Variants in HPCA observed in about 807,000 individuals in gnomAD.
HPCA encodes the protein hippocalcin.
In HPCA, 4 loss-of-function variants were observed where a neutral mutation model predicts 18.2. The observed-to-expected ratio is 0.22, with a 90% confidence interval of 0.11 to 0.50. HPCA has a LOEUF of 0.50. HPCA is among the 20% of genes least tolerant of loss of function. The pLI is 0.97. For synonymous variants in HPCA, 93 were observed against 103.5 expected (o/e 0.90, Z 0.61); for missense variants, 161 against 265.8 (o/e 0.61, Z 2.74).
chr1:32,889,697 T>C lies in HPCA; in HGVS notation c.378+421T>C, dbSNP rs1273282222. Among the ~76,000 whole-genome samples the C allele has an allele frequency of 6.6e-6, 1 of 152,246 alleles. No homozygotes were observed. Among genetic ancestry groups the C allele is most frequent in the Non-Finnish European group, 1.5e-5 (1 of 68,050 alleles). ...ACATAGAAACAATGCTATTATCTAA[T>C]CTACCAACCATATTCCAATTTTGCC... On this transcript the variant is annotated intron_variant, in intron 2 of 3. Coordinates refer to ENST00000373467, the MANE Select transcript of HPCA (RefSeq NM_002143.3). The surrounding 1 kb of genome is among the most constrained non-coding windows in gnomAD (Gnocchi z 4.6).
At position 32,893,956 on chromosome 1, in the gene HPCA, T is replaced by A; in HGVS notation, c.*94T>A. ...GTGTGTATTCTGGCTGGGGGCCAGA[T>A]TGGGGAAGCCCTTCTCCCCGGGTCT... On this transcript the variant is annotated 3_prime_UTR_variant, in exon 4 of 4. Transcript: ENST00000373467. The surrounding 1 kb of genome is among the most constrained non-coding windows in gnomAD (Gnocchi z 7.5). 4 of 959,584 alleles carry A rather than the reference T, an allele frequency of 4.2e-6. No individual in the cohort carries two copies. Among genetic ancestry groups the A allele is most frequent in the Non-Finnish European group, 6.3e-6 (4 of 630,944 alleles). 59.4% of individuals were successfully genotyped at this position (959,584 alleles called of 1,614,324 possible).
At chr1:32,892,991 C>T (rs1041301335) in intron 2 of HPCA, among the ~76,000 whole-genome samples, 3 of 152,100 alleles carry the variant, frequency 2.0e-5, no homozygotes, top group South Asian at 2.1e-4. Context: ...CTGTTCCCCG[C>T]CCCTCTGGGC....
At chr1:32,887,568 G>A (rs1368970946) in intron 1 of HPCA, among the ~76,000 whole-genome samples, 1 of 152,182 alleles carries the variant, frequency 6.6e-6, no homozygotes, top group Admixed American at 6.5e-5. Context: ...TGAAGGGTAA[G>A]TGTTGGGGAG....
intron 2 of HPCA, among the ~76,000 whole-genome samples, chr1:32,892,574 G>C (rs1641467927): frequency 6.6e-6 from 1 of 152,264 alleles, no homozygotes; most frequent in South Asian, 2.1e-4. Context: ...GGGGTGGTGT[G>C]CAGGCTGGGG....
chr1:32,888,743 G>A (rs937366870), intron 1 of HPCA, 135 bp from the exon 2 acceptor site: 15 of 789,058 alleles, frequency 1.9e-5, no homozygotes, highest in African/African-American at 1.0e-4. Flanking sequence ...TGTGACCTTG[G>A]GCCAGTTCCT....
Position 32,889,005 on chromosome 1 carries a change from A to G in HPCA, c.107A>G (p.Lys36Arg). 6.2e-7 allele frequency: 1 copy of G among 1,614,166 alleles called. No homozygotes were observed. Among genetic ancestry groups the G allele is most frequent in the Non-Finnish European group, 8.5e-7 (1 of 1,180,024 alleles). ...ELQEWYKGFL[K>R]DCPTGILNVD... ...CAGGAGTGGTACAAGGGCTTCCTCA[A>G]GGACTGCCCCACAGGAATCCTCAAT... is the stretch of plus-strand genomic sequence containing the variant. Residue 36 changes from lysine to arginine, a missense_variant, in exon 2 of 4, where the codon AAG becomes AGG. Physicochemically the swap from Lys to Arg is conservative, Grantham distance 26. Coordinates refer to ENST00000373467, the MANE Select transcript of HPCA (RefSeq NM_002143.3). The surrounding 1 kb of genome is among the most constrained non-coding windows in gnomAD (Gnocchi z 4.6).
intron 1 of HPCA, among the ~76,000 whole-genome samples, chr1:32,888,220 A>G (rs1312154683): frequency 2.6e-5 from 4 of 152,196 alleles, no homozygotes; most frequent in Non-Finnish European, 4.4e-5. Context: ...AACTTGCCCA[A>G]GGTCACATAG....
In HPCA at chr1:32,893,696, C is replaced by A; in HGVS notation, c.484+67C>A. 6.7e-7 allele frequency: 1 copy of A among 1,494,724 alleles called. No homozygotes were observed. The highest frequency in any genetic ancestry group is 9.2e-7 in the Non-Finnish European group (1 of 1,082,568). The allele number at this position is 1,494,724 out of a possible 1,614,324, so 92.6% of individuals were successfully genotyped here. On this transcript the variant is annotated intron_variant, in intron 3 of 3. Coordinates refer to ENST00000373467, the MANE Select transcript of HPCA (RefSeq NM_002143.3). The surrounding 1 kb of genome is among the most constrained non-coding windows in gnomAD (Gnocchi z 7.5). ...TTTCCCTCCCTCCCTCCCTGCCTCC[C>A]TTTCCCGCTCCGCCTCCCCTCGCTA...
Position 32,886,834 on chromosome 1 carries a change from G to A in HPCA, c.-22+319G>A, listed in dbSNP as rs1019154300. Among the ~76,000 whole-genome samples, 2 of 152,142 alleles carry A rather than the reference G, an allele frequency of 1.3e-5. No homozygotes were observed. The highest frequency in any genetic ancestry group is 4.8e-5 in the African/African-American group (2 of 41,434). On this transcript the variant is annotated intron_variant, in intron 1 of 3. Coordinates refer to ENST00000373467, the MANE Select transcript of HPCA (RefSeq NM_002143.3). This position sits in a 1 kb window ranked among gnomAD's most constrained non-coding sequence, Gnocchi z 7.0. ...CAGAGCTGAGGGAGGTTTGGAGCGG[G>A]TCCCCGGGGCTGGCTTCTCAGGTCG...
intron 1 of HPCA, 55 bp from the exon 2 acceptor site, chr1:32,888,823 G>A: frequency 1.3e-6 from 2 of 1,486,192 alleles, no homozygotes; most frequent in Non-Finnish European, 9.0e-7. Flanking sequence ...GCAGTGTCTA[G>A]TAGCCAGGAG....
chr1:32,888,406 T>G (rs1321898428), intron 1 of HPCA, among the ~76,000 whole-genome samples: 1 of 152,084 alleles, frequency 6.6e-6, no homozygotes, highest in Non-Finnish European at 1.5e-5. Context: ...GAGAAGGCAG[T>G]GGGTAGGACG....
rs1641500586 is a variant in HPCA at position 32,893,423 on chromosome 1, C to CG, written c.379-96dup. The CG allele has an allele frequency of 3.1e-5, 24 of 786,406 alleles. No homozygotes were observed. The South Asian group carries it at 3.6e-4, about 12-fold the overall frequency. The allele number at this position is 786,406 out of a possible 1,614,324, so 48.7% of individuals were successfully genotyped here. On this transcript the variant is annotated intron_variant, in intron 2 of 3. Transcript: ENST00000373467. This position sits in a 1 kb window ranked among gnomAD's most constrained non-coding sequence, Gnocchi z 7.5. Reference sequence around the variant, plus strand: ...GATTCCCCACTCCACCTTGCCCAGGCGGGGGCAGCAAACGTCAGAGAGCCC... The same window carrying CG: ...GATTCCCCACTCCACCTTGCCCAGGCGGGGGGCAGCAAACGTCAGAGAGCCC...
At position 32,894,584 on chromosome 1, in the gene HPCA, G is replaced by T; in HGVS notation, c.*722G>T. ...GTCCCCCCAACCGCCCCCCCTGCATGCAGCCAAATGGAGCATCTCTGTTCT... is the reference window on the plus strand; with the variant it reads ...GTCCCCCCAACCGCCCCCCCTGCATTCAGCCAAATGGAGCATCTCTGTTCT... On this transcript the variant is annotated 3_prime_UTR_variant, in exon 4 of 4. Transcript: ENST00000373467. The T allele has an allele frequency of 7.8e-6, 4 of 510,866 alleles. No homozygotes were observed. The highest frequency in any genetic ancestry group is 5.9e-4 in the Middle Eastern group (1 of 1,702). The allele number at this position is 510,866 out of a possible 1,614,324, so 31.6% of individuals were successfully genotyped here.
chr1:32,892,585 A>G (rs1570022065), intron 2 of HPCA, among the ~76,000 whole-genome samples: 1 of 151,996 alleles, frequency 6.6e-6, no homozygotes, highest in African/African-American at 2.4e-5. Flanking sequence ...CAGGCTGGGG[A>G]CGTAACAGTG....
At chr1:32,890,127 T>C (rs1033313958) in intron 2 of HPCA, among the ~76,000 whole-genome samples, 1 of 152,206 alleles carries the variant, frequency 6.6e-6, no homozygotes, top group African/African-American at 2.4e-5. Context: ...GGTGAGGTGA[T>C]GTGCCCAAAA....
chr1:32,893,399 A>AT lies in HPCA; in HGVS notation c.379-123dup. 4 of 672,120 alleles carry AT rather than the reference A, an allele frequency of 6.0e-6. No homozygotes were observed. Among genetic ancestry groups the AT allele is most frequent in the Non-Finnish European group, 1.1e-5 (4 of 377,522 alleles). The allele number at this position is 672,120 out of a possible 1,614,324, so 41.6% of individuals were successfully genotyped here. A position where few individuals can be genotyped will look rare whatever the true frequency, so the allele number is the denominator to read the frequency against. ...GCCCTCGGCTCCCCACGCCTCCGTGATTCCCCACTCCACCTTGCCCAGGCG... is the reference window on the plus strand; with the variant it reads ...GCCCTCGGCTCCCCACGCCTCCGTGATTTCCCCACTCCACCTTGCCCAGGCG... On this transcript the variant is annotated intron_variant, in intron 2 of 3. Coordinates refer to ENST00000373467, the MANE Select transcript of HPCA (RefSeq NM_002143.3). The surrounding 1 kb of genome is among the most constrained non-coding windows in gnomAD (Gnocchi z 7.5).
At chr1:32,890,876 T>C (rs1641442711) in intron 2 of HPCA, among the ~76,000 whole-genome samples, 1 of 152,242 alleles carries the variant, frequency 6.6e-6, no homozygotes, top group Admixed American at 6.5e-5. Flanking sequence ...AAAGCCCTAA[T>C]GTTTGCCATG....
chr1:32,890,149 A>G (rs191921617), intron 2 of HPCA, among the ~76,000 whole-genome samples: 302 of 152,346 alleles, frequency 2.0e-3, no homozygotes, highest in African/African-American at 6.5e-3. Flanking sequence ...CACACAGCAC[A>G]TAAGTGGAGA....
intron 1 of HPCA, among the ~76,000 whole-genome samples, chr1:32,888,049 T>G (rs942243): frequency 6.6e-6 from 1 of 152,194 alleles, no homozygotes; most frequent in Non-Finnish European, 1.5e-5. Context: ...CCTGGGTATA[T>G]GTAAGTCATT....
Sources: gnomAD v4.1 joint callset for allele counts (sites outside exome capture counted in the v4.1 genomes callset) on GRCh38, gnomAD v4.1.1 for gene constraint, Gnocchi (gnomAD v3.1) non-coding constraint, MANE v1.5 for transcripts, NCBI Gene and HGNC (gene_info 2026-07-23, HGNC 2026-07-21) for gene names.